FHIT: variants seen among roughly 807,000 people sequenced by gnomAD.
FHIT encodes the protein fragile histidine triad diadenosine triphosphatase, also known as bis(5'-adenosyl)-triphosphatase.
Under a neutral mutation model 17.9 loss-of-function variants are expected in FHIT, and 19 were observed. That is an observed-to-expected ratio of 1.06 (90% CI 0.74 to 1.56). The LOEUF (loss-of-function observed/expected upper bound fraction) is 1.56, where lower values mean the gene tolerates loss of function less well. Ranked by LOEUF, FHIT falls within the 40% of genes most tolerant of loss-of-function variation. The probability of loss-of-function intolerance (pLI) is 0.00; values close to 1 mark genes in which losing one functional copy is unlikely to be tolerated. For missense variants in FHIT, 248 were observed against 189.2 expected (o/e 1.31, Z -1.82); for synonymous variants, 81 against 69.7 (o/e 1.16, Z -0.81).
chr3:60,128,623 G>C (rs1174258751), intron 5 of FHIT, among the ~76,000 whole-genome samples: 2 of 152,206 alleles, frequency 1.3e-5, no homozygotes, highest in Admixed American at 6.5e-5. Context: ...TTCTATGGCA[G>C]AACTGGGCCA....
intron 3 of FHIT, among the ~76,000 whole-genome samples, chr3:61,022,547 A>G (rs930738525): frequency 6.6e-6 from 1 of 152,230 alleles, no homozygotes; most frequent in Non-Finnish European, 1.5e-5. Flanking sequence ...ACAAAAAAAG[A>G]AAATTTCAGG....
At position 60,474,769 on chromosome 3, in the gene FHIT, G is replaced by A. The variant is rs367771402; in HGVS notation, c.103+62091C>T. 3.0e-3 allele frequency among the ~76,000 whole-genome samples: 450 copies of A among 151,992 alleles called. 3 individuals are homozygous for A. The highest frequency in any genetic ancestry group is 9.5e-3 in the African/African-American group (392 of 41,446). ...CTCCCGAGTAGCTGGGATTACAGGC[G>A]CCTGCCACCACACCCAGCTACTTTT... On this transcript the variant is annotated intron_variant, in intron 5 of 9. Coordinates refer to ENST00000492590, the MANE Select transcript of FHIT (RefSeq NM_002012.4).
chr3:60,537,053 A>G (rs1213769517), intron 4 of FHIT, 74 bp from the exon 5 acceptor site: 48 of 1,228,886 alleles, frequency 3.9e-5, no homozygotes, highest in Non-Finnish European at 4.8e-5. Flanking sequence ...TAAAGAAAGC[A>G]AATTCCATTA....
intron 5 of FHIT, among the ~76,000 whole-genome samples, chr3:60,495,728 G>GA (rs1179611835): frequency 2.6e-5 from 4 of 151,964 alleles, no homozygotes; most frequent in African/African-American, 7.2e-5. Context: ...TGACAAGACG[G>GA]AAAAAAATCA....
intron 5 of FHIT, among the ~76,000 whole-genome samples, chr3:60,454,219 T>C (rs1318034038): frequency 1.3e-5 from 2 of 152,040 alleles, no homozygotes; most frequent in African/African-American, 2.4e-5. Context: ...AGGAAGCTCC[T>C]CCAAATAATT....
chr3:61,185,430 T>C (rs1222397624), intron 2 of FHIT, among the ~76,000 whole-genome samples: 3 of 152,186 alleles, frequency 2.0e-5, no homozygotes, highest in Non-Finnish European at 4.4e-5. Context: ...GTGATCATCA[T>C]CATACGAACT....
At chr3:61,091,279 G>A (rs774254977) in intron 2 of FHIT, among the ~76,000 whole-genome samples, 4 of 152,122 alleles carry the variant, frequency 2.6e-5, no homozygotes, top group Non-Finnish European at 4.4e-5. Flanking sequence ...ATGCCAATCA[G>A]TGAAGCAATT....
chr3:60,355,244 T>G (rs1157873856), intron 5 of FHIT, among the ~76,000 whole-genome samples: 1 of 152,200 alleles, frequency 6.6e-6, no homozygotes, highest in Admixed American at 6.5e-5. Flanking sequence ...CACTTCTCGA[T>G]TTACAAGCTT....
At chr3:60,264,651 G>A (rs1033140398) in intron 5 of FHIT, among the ~76,000 whole-genome samples, 10 of 151,910 alleles carry the variant, frequency 6.6e-5, no homozygotes, top group Non-Finnish European at 1.3e-4. Context: ...TCCTTCGAAA[G>A]CCTCTGCTAG....
intron 5 of FHIT, among the ~76,000 whole-genome samples, chr3:60,473,798 G>A (rs2033208113): frequency 1.3e-5 from 2 of 151,896 alleles, no homozygotes; most frequent in South Asian, 2.1e-4. Flanking sequence ...GCATGCACCT[G>A]TATAGTCCCA....
chr3:61,232,958 A>G (rs1272897750), intron 1 of FHIT, among the ~76,000 whole-genome samples: 1 of 152,266 alleles, frequency 6.6e-6, no homozygotes, highest in African/African-American at 2.4e-5. Context: ...ACGTACATAC[A>G]TATTTGCCTG....
At chr3:60,096,156 C>T (rs1703940340) in intron 5 of FHIT, among the ~76,000 whole-genome samples, 1 of 152,180 alleles carries the variant, frequency 6.6e-6, no homozygotes, top group South Asian at 2.1e-4. Context: ...CCGAGTCTGA[C>T]TTGCACACTA....
intron 5 of FHIT, among the ~76,000 whole-genome samples, chr3:60,222,150 A>G (rs1326788836): frequency 6.6e-6 from 1 of 152,152 alleles, no homozygotes; most frequent in Non-Finnish European, 1.5e-5. Context: ...AATGTATTCA[A>G]ATCAACTCTT....
At chr3:59,752,088 C>T (rs1700941957) in intron 9 of FHIT, 133 bp downstream of exon 9, 2 of 594,780 alleles carry the variant, frequency 3.4e-6, no homozygotes, top group Admixed American at 3.3e-5. Flanking sequence ...TTCTCCCCTC[C>T]AGCTCTTTGT....
chr3:60,495,232 A>G (rs762750687), intron 5 of FHIT, among the ~76,000 whole-genome samples: 1 of 152,108 alleles, frequency 6.6e-6, no homozygotes, highest in Non-Finnish European at 1.5e-5. Context: ...AAGGATGTTG[A>G]GCACCTTTTC....
At chr3:60,577,583 T>C (rs1448378197) in intron 4 of FHIT, among the ~76,000 whole-genome samples, 1 of 152,180 alleles carries the variant, frequency 6.6e-6, no homozygotes, top group Non-Finnish European at 1.5e-5. Flanking sequence ...GTGTATATTT[T>C]GTAAGAAAAA....
intron 4 of FHIT, among the ~76,000 whole-genome samples, chr3:60,693,715 TC>T (rs2041046873): frequency 6.6e-6 from 1 of 152,218 alleles, no homozygotes; most frequent in Non-Finnish European, 1.5e-5. Flanking sequence ...CTGCAAACTT[TC>T]TGTACAGCAG....
intron 4 of FHIT, among the ~76,000 whole-genome samples, chr3:60,769,497 G>A (rs1699968990): frequency 6.6e-6 from 1 of 152,160 alleles, no homozygotes; most frequent in Admixed American, 6.5e-5. Context: ...CTTCAGCCGA[G>A]TTAAATTTAA....
intron 8 of FHIT, among the ~76,000 whole-genome samples, chr3:59,894,474 T>G (rs988083217): frequency 5.9e-5 from 9 of 152,046 alleles, no homozygotes; most frequent in Admixed American, 1.3e-4. Context: ...CAGAGTAGAG[T>G]TGTGGCTTGT....
Sources: allele counts gnomAD v4.1 joint callset (sites outside exome capture counted in the v4.1 genomes callset), GRCh38; gene constraint gnomAD v4.1.1; transcripts MANE v1.5; gene names NCBI Gene and HGNC (gene_info 2026-07-23, HGNC 2026-07-21).